The following EXOC4 variants were observed in gnomAD, a reference collection of about 807,000 sequenced individuals.
EXOC4 encodes exocyst complex component 4, also known as SEC8-like 1.
In EXOC4, 71 loss-of-function variants were observed where a neutral mutation model predicts 107.2. The observed-to-expected ratio is 0.66, with a 90% CI of 0.55 to 0.81. The LOEUF (loss-of-function observed/expected upper bound fraction) is 0.81. EXOC4 is among the 30% of genes least tolerant of loss of function. EXOC4 has a pLI of 0.00. For synonymous variants in EXOC4, 456 were observed against 441.2 expected (o/e 1.03, Z -0.42); for missense variants, 1,108 against 1,189.6 (o/e 0.93, Z 1.01).
At chr7:133,958,096 T>G (rs1800859334) in intron 14 of EXOC4, among the ~76,000 whole-genome samples, 1 of 152,194 alleles carries the variant, frequency 6.6e-6, no homozygotes, top group Non-Finnish European at 1.5e-5. Flanking sequence ...AGGGCATAAC[T>G]CCTTGAACAT....
At chr7:134,018,929 TTTTG>T (rs944319350) in intron 17 of EXOC4, among the ~76,000 whole-genome samples, 11 of 152,120 alleles carry the variant, frequency 7.2e-5, no homozygotes, top group South Asian at 6.2e-4. Context: ...TGTTTTTGTT[TTTTG>T]TTTGTTTGTT....
rs555159175 is a variant in EXOC4 at position 133,285,768 on chromosome 7, T to G, written c.277-3154T>G. On this transcript the variant is annotated intron_variant, in intron 2 of 17. Transcript: ENST00000253861. Reference sequence around the variant, plus strand: ...TCTTTCTTCTTCTTTTTTGTTTTTTTTTTTCAAAAGAGCTGGAGTCTTGCT... The same window carrying G: ...TCTTTCTTCTTCTTTTTTGTTTTTTGTTTTCAAAAGAGCTGGAGTCTTGCT... Among the ~76,000 whole-genome samples, 26 of 152,030 alleles carry G rather than the reference T, an allele frequency of 1.7e-4. No homozygotes were observed. The East Asian group carries it at 5.0e-3, about 29-fold the overall frequency.
At chr7:133,523,249 G>A (rs1800013408) in intron 9 of EXOC4, among the ~76,000 whole-genome samples, 1 of 152,110 alleles carries the variant, frequency 6.6e-6, no homozygotes, top group Admixed American at 6.5e-5. Flanking sequence ...TGTTAAAGCA[G>A]ACTCTATATT....
intron 17 of EXOC4, among the ~76,000 whole-genome samples, chr7:134,018,710 C>T (rs1794963817): frequency 6.6e-6 from 1 of 151,570 alleles, no homozygotes; most frequent in Non-Finnish European, 1.5e-5. Flanking sequence ...ATATTTTATT[C>T]ATCTAATTTT....
rs1246650583 is a variant in EXOC4 at position 133,394,437 on chromosome 7, T to A, written c.1182+19435T>A. Among the ~76,000 whole-genome samples the A allele has an allele frequency of 3.9e-5, 6 of 152,222 alleles. No individual in the cohort carries two copies. In the South Asian group the frequency reaches 1.0e-3, roughly 26 times the overall value. ...CCTTCTTTAAGTGTTAAGTCTGTCC[T>A]TAGAATCATCAGAGCTTCTATTATG... On this transcript the variant is annotated intron_variant, in intron 7 of 17. Coordinates refer to ENST00000253861, the MANE Select transcript of EXOC4 (RefSeq NM_021807.4).
At chr7:133,281,289 A>AAAAT (rs151247639) in intron 2 of EXOC4, among the ~76,000 whole-genome samples, 40,331 of 147,588 alleles carry the variant, frequency 0.27, 6,203 homozygotes, top group African/African-American at 0.41. Flanking sequence ...GTAATAATAA[A>AAAAT]AAATAAATAA....
intron 10 of EXOC4, among the ~76,000 whole-genome samples, chr7:133,805,807 A>G (rs1229152183): frequency 6.6e-6 from 1 of 152,236 alleles, no homozygotes; most frequent in Non-Finnish European, 1.5e-5. Context: ...TTAACCAAAT[A>G]GTCATATATT....
intron 6 of EXOC4, among the ~76,000 whole-genome samples, chr7:133,369,201 C>T (rs993093285): frequency 3.9e-5 from 6 of 152,176 alleles, no homozygotes; most frequent in African/African-American, 1.4e-4. Context: ...TAAATTGGGA[C>T]AAGCTAGTGC....
chr7:133,857,457 C>T (rs1464101091), intron 11 of EXOC4, among the ~76,000 whole-genome samples: 2 of 131,188 alleles, frequency 1.5e-5, no homozygotes, highest in African/African-American at 2.9e-5. Context: ...CTGTGGCTGG[C>T]GGCGCCTCTG....
intron 9 of EXOC4, among the ~76,000 whole-genome samples, chr7:133,553,869 C>T (rs778100065): frequency 7.2e-5 from 11 of 152,108 alleles, no homozygotes; most frequent in East Asian, 3.8e-4. Context: ...CAGTTTCTCC[C>T]GCCTCCACCC....
chr7:133,921,576 A>G (rs189197383), intron 13 of EXOC4, among the ~76,000 whole-genome samples: 42 of 152,020 alleles, frequency 2.8e-4, no homozygotes, highest in Non-Finnish European at 5.1e-4. Context: ...TTGTTCCTCT[A>G]TAGGATTTTT....
intron 3 of EXOC4, among the ~76,000 whole-genome samples, chr7:133,301,866 T>C (rs1794648977): frequency 6.6e-6 from 1 of 152,196 alleles, no homozygotes; most frequent in African/African-American, 2.4e-5. Context: ...CTCCAAAATA[T>C]TTACAGTGGT....
chr7:133,761,197 G>A (rs1240965400), intron 10 of EXOC4, among the ~76,000 whole-genome samples: 1 of 152,144 alleles, frequency 6.6e-6, no homozygotes. Flanking sequence ...ACAAAGCATT[G>A]TAAGCAGAAG....
chr7:133,298,871 T>A (rs1049883757), intron 3 of EXOC4, among the ~76,000 whole-genome samples: 4 of 152,308 alleles, frequency 2.6e-5, no homozygotes, highest in Middle Eastern at 6.8e-3. Context: ...CACAGTAAGA[T>A]CTATGAAAGT....
rs149381716 is a variant in EXOC4, at chr7:133,824,693, C to A, written c.1734+7149C>A. Reference sequence around the variant, plus strand: ...ACATTCCCTCCAAAGCTCTGGAGGACGATCCTTCCTTGACTCTTTCAGCTT... The same window carrying A: ...ACATTCCCTCCAAAGCTCTGGAGGAAGATCCTTCCTTGACTCTTTCAGCTT... On this transcript the variant is annotated intron_variant, in intron 11 of 17. Transcript: ENST00000253861. Among the ~76,000 whole-genome samples the A allele has an allele frequency of 8.3e-3, 1,267 of 152,138 alleles. 26 individuals are homozygous for A. Among genetic ancestry groups the A allele is most frequent in the African/African-American group, 0.028 (1,169 of 41,522 alleles).
intron 10 of EXOC4, among the ~76,000 whole-genome samples, chr7:133,777,285 G>GTCTA (rs1796365341): frequency 7.8e-4 from 1 of 1,280 alleles, no homozygotes; most frequent in Non-Finnish European, 2.1e-3. Flanking sequence ...GAGAAAGAGA[G>GTCTA]AGAGAGAGAG....
At chr7:133,664,816 G>A (rs1793775413) in intron 10 of EXOC4, among the ~76,000 whole-genome samples, 1 of 151,994 alleles carries the variant, frequency 6.6e-6, no homozygotes, top group African/African-American at 2.4e-5. Context: ...CATGCAAGGT[G>A]GGGATTTTTC....
intron 13 of EXOC4, among the ~76,000 whole-genome samples, chr7:133,919,284 C>T (rs1799884144): frequency 6.6e-6 from 1 of 152,066 alleles, no homozygotes; most frequent in African/African-American, 2.4e-5. Context: ...CCATAGATCC[C>T]CTTACACCTC....
chr7:133,991,182 T>A (rs1794250196), intron 14 of EXOC4, among the ~76,000 whole-genome samples: 2 of 152,170 alleles, frequency 1.3e-5, no homozygotes, highest in African/African-American at 4.8e-5. Flanking sequence ...GTTAAGCATT[T>A]TTTTCATATA....
Sources: gnomAD v4.1 joint callset for allele counts (sites outside exome capture counted in the v4.1 genomes callset) on GRCh38, gnomAD v4.1.1 for gene constraint, MANE v1.5 for transcripts, NCBI Gene and HGNC (gene_info 2026-07-23, HGNC 2026-07-21) for gene names.